NCOA2: variants seen among roughly 807,000 people sequenced by gnomAD.
NCOA2 encodes nuclear receptor coactivator 2, also known as class E basic helix-loop-helix protein 75.
A neutral mutation model predicts 145.1 loss-of-function variants in NCOA2; 21 were observed. The ratio of observed to expected loss-of-function variants is 0.14; its 90% confidence interval spans 0.10 to 0.21. The LOEUF (loss-of-function observed/expected upper bound fraction) is 0.21, where lower values mean the gene tolerates loss of function less well. Ranked by LOEUF, NCOA2 falls within the 10% of genes least tolerant of loss-of-function variation. The pLI is 1.00. For missense variants in NCOA2, 1,472 were observed against 1,837.6 expected (o/e 0.80, Z 3.64); for synonymous variants, 619 against 637.5 (o/e 0.97, Z 0.44).
the NCOA2 span, among the ~76,000 whole-genome samples, chr8:70,419,859 C>T: frequency 6.6e-6 from 1 of 152,158 alleles, no homozygotes; most frequent in Admixed American, 6.5e-5. Context: ...CCATGACTTC[C>T]AATTAACCAT....
intron 1 of NCOA2, among the ~76,000 whole-genome samples, chr8:70,364,847 C>A (rs1434170744): frequency 6.7e-6 from 1 of 149,172 alleles, no homozygotes; most frequent in East Asian, 1.9e-4. Context: ...TTTTTTTTCC[C>A]CCAGTCTGTG....
intron 1 of NCOA2, among the ~76,000 whole-genome samples, chr8:70,346,721 AG>A (rs1808686809): frequency 6.6e-6 from 1 of 152,204 alleles, no homozygotes; most frequent in Admixed American, 6.5e-5. Flanking sequence ...GGGAGGAAAG[AG>A]TAGAAGTTAG....
intron 22 of NCOA2, among the ~76,000 whole-genome samples, chr8:70,118,354 T>C (rs1335758277): frequency 6.6e-6 from 1 of 152,174 alleles, no homozygotes; most frequent in African/African-American, 2.4e-5. Flanking sequence ...CTTCTGCACA[T>C]AAGCCACGAC....
intron 1 of NCOA2, among the ~76,000 whole-genome samples, chr8:70,389,368 C>T (rs1586664857): frequency 6.6e-6 from 1 of 152,046 alleles, no homozygotes; most frequent in East Asian, 1.9e-4. Context: ...GCAACCTCCG[C>T]CTCTGGGGTT....
intron 4 of NCOA2, among the ~76,000 whole-genome samples, chr8:70,176,866 T>TTAA (rs1814912487): frequency 6.6e-6 from 1 of 152,206 alleles, no homozygotes; most frequent in East Asian, 1.9e-4. Flanking sequence ...GGACAGGGTG[T>TTAA]GTACCTCCCT....
chr8:70,455,204 G>C, the NCOA2 span, among the ~76,000 whole-genome samples: 1 of 152,184 alleles, frequency 6.6e-6, no homozygotes, highest in Non-Finnish European at 1.5e-5. Context: ...TCCAGATCTA[G>C]CTAAGCACGT....
the NCOA2 span, among the ~76,000 whole-genome samples, chr8:70,448,621 CT>C: frequency 1.1e-4 from 16 of 152,068 alleles, no homozygotes; most frequent in African/African-American, 3.9e-4. Flanking sequence ...CAACATTTTT[CT>C]TTTTTCCTTT....
the NCOA2 span, among the ~76,000 whole-genome samples, chr8:70,453,903 A>C: frequency 6.6e-6 from 1 of 152,222 alleles, no homozygotes; most frequent in Non-Finnish European, 1.5e-5. Context: ...ATACTATTAC[A>C]TTCTATGTGG....
At chr8:70,253,213 A>G (rs1204685314) in intron 2 of NCOA2, among the ~76,000 whole-genome samples, 5 of 152,226 alleles carry the variant, frequency 3.3e-5, no homozygotes, top group African/African-American at 4.8e-5. Flanking sequence ...AAGGCTCATA[A>G]GCCATAGTAA....
At chr8:70,403,847 C>CCCTCCTCCT (rs528610374), upstream of NCOA2, 55,120 of 376,030 alleles carry the variant, frequency 0.15, 4,416 homozygotes, top group East Asian at 0.44. Flanking sequence ...TCCCCCAACT[C>CCCTCCTCCT]CCTCCTCCTC....
At chr8:70,353,119 T>TA (rs1443816612) in intron 1 of NCOA2, among the ~76,000 whole-genome samples, 1 of 152,110 alleles carries the variant, frequency 6.6e-6, no homozygotes, top group Non-Finnish European at 1.5e-5. Context: ...CATTTCTTTT[T>TA]AAAAAAGTAA....
chr8:70,269,996 C>A (rs1256842239), intron 2 of NCOA2, among the ~76,000 whole-genome samples: 1 of 152,038 alleles, frequency 6.6e-6, no homozygotes, highest in African/African-American at 2.4e-5. Flanking sequence ...GCTTGGGCAA[C>A]ATAGACCTCA....
intron 1 of NCOA2, among the ~76,000 whole-genome samples, chr8:70,382,831 G>A (rs1272542003): frequency 6.6e-6 from 1 of 152,134 alleles, no homozygotes; most frequent in Admixed American, 6.5e-5. Context: ...TTCACTGTAG[G>A]ATCAGCCGTG....
chr8:70,237,215 T>C (rs1821702637), intron 2 of NCOA2, among the ~76,000 whole-genome samples: 1 of 152,204 alleles, frequency 6.6e-6, no homozygotes, highest in Non-Finnish European at 1.5e-5. Context: ...GAAGTAATTA[T>C]TATTATTCCC....
At chr8:70,250,261 A>G (rs903186653) in intron 2 of NCOA2, among the ~76,000 whole-genome samples, 17 of 151,808 alleles carry the variant, frequency 1.1e-4, no homozygotes, top group African/African-American at 3.4e-4. Context: ...GTGTGGTGGC[A>G]CACACTTGTA....
chr8:70,175,667 G>C (rs1241036288), intron 4 of NCOA2, among the ~76,000 whole-genome samples: 1 of 152,106 alleles, frequency 6.6e-6, no homozygotes, highest in East Asian at 1.9e-4. Flanking sequence ...GTTATTTCAA[G>C]AACACCAAAA....
At chr8:70,424,901 G>A in the NCOA2 span, among the ~76,000 whole-genome samples, 6 of 152,184 alleles carry the variant, frequency 3.9e-5, no homozygotes, top group South Asian at 2.1e-4. Flanking sequence ...AAAAGGCAGC[G>A]TGGATCATCA....
the NCOA2 span, among the ~76,000 whole-genome samples, chr8:70,409,558 T>C: frequency 6.6e-6 from 1 of 152,194 alleles, no homozygotes; most frequent in Non-Finnish European, 1.5e-5. Flanking sequence ...ATCATAGACT[T>C]AAATGATAAA....
chr8:70,129,844 A>G (rs1238219870), intron 16 of NCOA2, among the ~76,000 whole-genome samples: 1 of 151,996 alleles, frequency 6.6e-6, no homozygotes, highest in Non-Finnish European at 1.5e-5. Context: ...CTACTTTTGT[A>G]TTTTTAGTGG....
Sources: allele counts gnomAD v4.1 joint callset (sites outside exome capture counted in the v4.1 genomes callset), GRCh38; gene constraint gnomAD v4.1.1; transcripts MANE v1.5; gene names NCBI Gene and HGNC (gene_info 2026-07-23, HGNC 2026-07-21).